CLVS1: variants seen among roughly 807,000 people sequenced by gnomAD.
The protein encoded by CLVS1 is clavesin-1.
Under a neutral mutation model 33.1 loss-of-function variants are expected in CLVS1, and 10 were observed. That is an observed-to-expected ratio of 0.30 (90% CI 0.19 to 0.51). The LOEUF (loss-of-function observed/expected upper bound fraction) is 0.51, where lower values mean the gene tolerates loss of function less well. CLVS1 is among the 20% of genes least tolerant of loss of function. The pLI is 0.97. For missense variants in CLVS1, 343 were observed against 433.4 expected (o/e 0.79, Z 1.85); for synonymous variants, 163 against 166.1 (o/e 0.98, Z 0.14).
chr8:61,187,132 A>ATT (rs35339159), intron 2 of CLVS1, among the ~76,000 whole-genome samples: 33 of 151,540 alleles, frequency 2.2e-4, no homozygotes, highest in South Asian at 6.3e-4. Flanking sequence ...GCATTGCAAT[A>ATT]TTTTTTTTTC....
intron 3 of CLVS1, among the ~76,000 whole-genome samples, chr8:61,431,469 G>C (rs1563550531): frequency 6.6e-6 from 1 of 152,174 alleles, no homozygotes; most frequent in East Asian, 1.9e-4. Flanking sequence ...TACTAGTTTA[G>C]TCTCTTCTTT....
upstream of CLVS1, among the ~76,000 whole-genome samples, chr8:61,284,140 C>G (rs1380098876): frequency 6.6e-6 from 1 of 152,126 alleles, no homozygotes; most frequent in African/African-American, 2.4e-5. Flanking sequence ...ATCTCATGGT[C>G]TCAGTCATCT....
At chr8:61,156,305 C>G (rs1401649710) in intron 2 of CLVS1, among the ~76,000 whole-genome samples, 1 of 151,760 alleles carries the variant, frequency 6.6e-6, no homozygotes, top group African/African-American at 2.4e-5. Context: ...AGCTCTATGC[C>G]CCTATTCATT....
At chr8:61,226,488 A>G (rs544927449) in intron 2 of CLVS1, among the ~76,000 whole-genome samples, 3 of 152,228 alleles carry the variant, frequency 2.0e-5, no homozygotes, top group Non-Finnish European at 2.9e-5. Flanking sequence ...CCTTAAAACT[A>G]TAAGGTATTT....
intron 2 of CLVS1, among the ~76,000 whole-genome samples, chr8:61,180,968 A>T (rs1807217094): frequency 6.6e-6 from 1 of 152,216 alleles, no homozygotes; most frequent in Non-Finnish European, 1.5e-5. Flanking sequence ...TATTCAACAT[A>T]ACATTGGAAG....
chr8:61,118,358 G>A (rs908336620), intron 1 of CLVS1, among the ~76,000 whole-genome samples: 1 of 151,514 alleles, frequency 6.6e-6, no homozygotes, highest in Non-Finnish European at 1.5e-5. Context: ...AGGGTTTTTT[G>A]TGTCTCTATT....
chr8:60,975,387 C>T, the CLVS1 span, among the ~76,000 whole-genome samples: 1 of 152,052 alleles, frequency 6.6e-6, no homozygotes, highest in Admixed American at 6.6e-5. Context: ...AGTATAGGAT[C>T]TTGAGATGAG....
chr8:61,194,963 A>C (rs1361751916), intron 2 of CLVS1, among the ~76,000 whole-genome samples: 1 of 151,918 alleles, frequency 6.6e-6, no homozygotes, highest in East Asian at 1.9e-4. Context: ...AATACACTTC[A>C]ACTGACAATC....
At position 61,232,021 on chromosome 8, in the gene CLVS1, TGG is replaced by T. The variant is rs1491484369; in HGVS notation, c.-151-67655_-151-67654del. 1.2e-4 allele frequency among the ~76,000 whole-genome samples: 13 copies of T among 104,180 alleles called. 1 individual carries two copies. The highest frequency in any genetic ancestry group is 8.4e-4 in the East Asian group (2 of 2,382). The allele number at this position is 104,180 out of a possible 152,430, so 68.3% of individuals were successfully genotyped here. ...AGAGAAGGAGCCCTGAGGAAAGTTG[TGG>T]TTTTTTTTTTTTTTTTTTTTTTTTT... On this transcript the variant is annotated intron_variant, in intron 2 of 2. Transcript: ENST00000522621.
chr8:61,291,153 C>T (rs960296357), intron 1 of CLVS1, among the ~76,000 whole-genome samples: 1 of 152,214 alleles, frequency 6.6e-6, no homozygotes, highest in African/African-American at 2.4e-5. Context: ...TCTGATGCCT[C>T]CCATAGCCCT....
chr8:61,438,658 G>A (rs1267361770), intron 3 of CLVS1, among the ~76,000 whole-genome samples: 1 of 152,102 alleles, frequency 6.6e-6, no homozygotes, highest in East Asian at 1.9e-4. Context: ...GGGTAAAAGC[G>A]TTCCTATTTC....
chr8:61,353,691 T>A (rs1268407960), intron 2 of CLVS1, among the ~76,000 whole-genome samples: 2 of 141,958 alleles, frequency 1.4e-5, no homozygotes, highest in African/African-American at 2.6e-5. Flanking sequence ...TAAGGAAGAA[T>A]GAAACAAAAT....
the CLVS1 span, among the ~76,000 whole-genome samples, chr8:61,033,046 A>AAAG: frequency 1.1e-5 from 1 of 94,600 alleles, no homozygotes; most frequent in Non-Finnish European, 2.4e-5. Flanking sequence ...AGAAAGAAAG[A>AAAG]AAAAGAAAGA....
intron 2 of CLVS1, among the ~76,000 whole-genome samples, chr8:61,355,278 G>C (rs771302950): frequency 6.6e-5 from 10 of 151,472 alleles, no homozygotes; most frequent in Admixed American, 1.3e-4. Flanking sequence ...AGTTTAAGAG[G>C]AAGAAGTTTC....
intron 2 of CLVS1, among the ~76,000 whole-genome samples, chr8:61,356,733 G>A (rs988183366): frequency 1.3e-4 from 20 of 152,092 alleles, no homozygotes; most frequent in African/African-American, 2.7e-4. Flanking sequence ...GTAGATGTGC[G>A]GCATTATTTC....
the CLVS1 span, among the ~76,000 whole-genome samples, chr8:60,968,915 A>G: frequency 6.6e-6 from 1 of 152,118 alleles, no homozygotes; most frequent in East Asian, 1.9e-4. Context: ...TAAAATAAAA[A>G]AAAATAAAAG....
intron 2 of CLVS1, among the ~76,000 whole-genome samples, chr8:61,228,151 T>G (rs1437591792): frequency 6.6e-6 from 1 of 152,204 alleles, no homozygotes; most frequent in East Asian, 1.9e-4. Flanking sequence ...TAATTTCTTA[T>G]GATCCATTTT....
At position 61,445,966 on chromosome 8, in the gene CLVS1, G is replaced by A. The variant is rs900521315; in HGVS notation, c.631-8175G>A. Reference sequence around the variant, plus strand: ...ATGTAGAGTTCTTTATAGTATTCCCGGCTTATCCTTTTGGTGTCTGCAGGG... The same window carrying A: ...ATGTAGAGTTCTTTATAGTATTCCCAGCTTATCCTTTTGGTGTCTGCAGGG... On this transcript the variant is annotated intron_variant, in intron 3 of 5. Coordinates refer to ENST00000325897, the MANE Select transcript of CLVS1 (RefSeq NM_173519.3). Among the ~76,000 whole-genome samples the A allele has an allele frequency of 5.3e-5, 8 of 151,924 alleles. No individual in the cohort carries two copies. The East Asian group carries it at 5.8e-4, about 11-fold the overall frequency.
the CLVS1 span, among the ~76,000 whole-genome samples, chr8:61,051,030 G>C: frequency 2.6e-5 from 4 of 152,200 alleles, no homozygotes; most frequent in Non-Finnish European, 5.9e-5. Flanking sequence ...TCATGAAATG[G>C]GGAGCAGAGA....
Sources: gnomAD v4.1 joint callset for allele counts (sites outside exome capture counted in the v4.1 genomes callset) on GRCh38, gnomAD v4.1.1 for gene constraint, MANE v1.5 for transcripts, NCBI Gene and HGNC (gene_info 2026-07-23, HGNC 2026-07-21) for gene names.